The following XRCC1 variants were observed in gnomAD, a reference collection of about 807,000 sequenced individuals.
XRCC1 encodes the protein X-ray repair cross complementing 1.
Under a neutral mutation model 83.3 loss-of-function variants are expected in XRCC1, and 52 were observed. That is an observed-to-expected ratio of 0.62 (90% CI 0.50 to 0.79). XRCC1 has a LOEUF of 0.79. XRCC1 is among the 30% of genes least tolerant of loss of function. The pLI, the probability that XRCC1 is intolerant of heterozygous loss-of-function variation, is 0.00. For missense variants in XRCC1, 793 were observed against 823.5 expected (o/e 0.96, Z 0.45); for synonymous variants, 281 against 312.6 (o/e 0.90, Z 1.07).
In XRCC1 at chr19:43,544,243, G is replaced by A. The variant is rs759410817; in HGVS notation, c.1622-9C>T. 1.2e-6 allele frequency: 2 copies of A among 1,603,400 alleles called. No homozygotes were observed. ...CTTGCCCTGGAAGAAATCTGCAGGAGAGAAGGGGGCTAAGGTAAGCATGAG... is the reference window on the plus strand; with the variant it reads ...CTTGCCCTGGAAGAAATCTGCAGGAAAGAAGGGGGCTAAGGTAAGCATGAG... On this transcript the variant is annotated splice_polypyrimidine_tract_variant and intron_variant, in intron 14 of 16. Transcript: ENST00000262887.
At chr19:43,561,500 T>C (rs1972698712) in intron 2 of XRCC1, among the ~76,000 whole-genome samples, 1 of 152,238 alleles carries the variant, frequency 6.6e-6, no homozygotes, top group Admixed American at 6.5e-5. Flanking sequence ...GCACACTAGC[T>C]GTATGACCAT....
intron 9 of XRCC1, 77 bp from the exon 10 acceptor site, chr19:43,551,764 CAGAG>C (rs55974714): frequency 5.0e-5 from 52 of 1,045,754 alleles, no homozygotes; most frequent in East Asian, 2.2e-4. Context: ...GGGAGACAGA[CAGAG>C]AGAGAGAGAG....
chr19:43,574,681 C>A, intron 2 of XRCC1: 1 of 515,602 alleles, frequency 1.9e-6, no homozygotes, highest in Non-Finnish European at 3.5e-6. Flanking sequence ...AAGTAGATGC[C>A]ACCTGCCCAG....
chr19:43,546,755 A>T, intron 11 of XRCC1, 28 bp from the exon 12 acceptor site: 3 of 1,599,974 alleles, frequency 1.9e-6, no homozygotes, highest in Non-Finnish European at 2.6e-6. Context: ...GTGGGTGAGG[A>T]GGGCAGGAAC....
chr19:43,561,054 TG>T, intron 2 of XRCC1, 34 bp from the exon 3 acceptor site: 3 of 1,544,886 alleles, frequency 1.9e-6, no homozygotes, highest in Non-Finnish European at 2.7e-6. Context: ...TGTCAGTGCC[TG>T]CTCTGCCTCT....
At chr19:43,553,564 G>A (rs2146052926) in intron 5 of XRCC1, 45 bp downstream of exon 5, 1 of 1,612,702 alleles carries the variant, frequency 6.2e-7, no homozygotes, top group Non-Finnish European at 8.5e-7. Flanking sequence ...AGGTGGGGGT[G>A]GAGAGGCAGG....
chr19:43,565,231 G>C (rs528837788), intron 2 of XRCC1, among the ~76,000 whole-genome samples: 3 of 152,206 alleles, frequency 2.0e-5, no homozygotes, highest in South Asian at 2.1e-4. Context: ...AACATCTTTT[G>C]AGCACCACTG....
At chr19:43,559,206 G>C (rs750305858) in intron 3 of XRCC1, among the ~76,000 whole-genome samples, 2 of 150,854 alleles carry the variant, frequency 1.3e-5, no homozygotes, top group African/African-American at 4.9e-5. Context: ...GAAAAGGGCC[G>C]GGTGCGGTGG....
At chr19:43,550,390 G>A (rs971948793) in intron 10 of XRCC1, among the ~76,000 whole-genome samples, 5 of 152,134 alleles carry the variant, frequency 3.3e-5, no homozygotes, top group African/African-American at 1.2e-4. Context: ...AGAGATGTTT[G>A]GATTCCTGAA....
chr19:43,554,597 T>C (rs1184355875), intron 4 of XRCC1, 49 bp downstream of exon 4: 2 of 1,556,674 alleles, frequency 1.3e-6, no homozygotes, highest in African/African-American at 2.7e-5. Context: ...CTTATTTCCC[T>C]CCTTGCCCAG....
chr19:43,548,593 T>A (rs1428689072), intron 10 of XRCC1, among the ~76,000 whole-genome samples: 1 of 152,090 alleles, frequency 6.6e-6, no homozygotes, highest in Non-Finnish European at 1.5e-5. Context: ...TTAAGAGTCA[T>A]CACCACTCCC....
chr19:43,562,810 C>T (rs1048264763), intron 2 of XRCC1, among the ~76,000 whole-genome samples: 3 of 152,232 alleles, frequency 2.0e-5, no homozygotes, highest in Non-Finnish European at 4.4e-5. Flanking sequence ...ATAACCACAA[C>T]TGCGGCCAAC....
rs188489829 is a variant in XRCC1 at position 43,556,935 on chromosome 19, T to A, written c.256-2131A>T. On this transcript the variant is annotated intron_variant, in intron 3 of 16. Transcript: ENST00000262887. ...CACAAGAATCGCTTGAACCCAGGAG[T>A]TGGAGGTGATGGTGAGCCGAGATTG... Among the ~76,000 whole-genome samples, 407 of 144,934 alleles carry A rather than the reference T, an allele frequency of 2.8e-3. 8 individuals are homozygous for A. Among genetic ancestry groups the A allele is most frequent in the African/African-American group, 9.6e-3 (374 of 39,156 alleles).
In XRCC1 at chr19:43,574,962, C is replaced by A; in HGVS notation, c.92G>T (p.Arg31Leu). 1.9e-6 allele frequency: 3 copies of A among 1,614,144 alleles called. No homozygotes were observed. Among genetic ancestry groups the A allele is most frequent in the Non-Finnish European group, 2.5e-6 (3 of 1,180,026 alleles). The change falls in exon 2 of 17, where the codon CGA (arginine) becomes CTA (leucine). Residue 31 changes from arginine to leucine, a missense_variant. By Grantham distance (102) the Arg-to-Leu change is moderately radical. Coordinates refer to ENST00000262887, the MANE Select transcript of XRCC1 (RefSeq NM_006297.3). ...AENLLKADTY[R>L]KWRAAKAGEK... The stretch of plus-strand genomic sequence containing the variant: ...GCCTGCCTTGGCTGCCCGCCATTTT[C>A]GGTAAGTGTCTGCCTTGAGAAGATT...
In XRCC1 at chr19:43,546,906, T is replaced by C. The variant is rs1287459280; in HGVS notation, c.1271A>G (p.Glu424Gly). Residue 424 changes from glutamate to glycine, a missense_variant, in exon 11 of 17, where the codon GAA (glutamate) becomes GGA (glycine). Physicochemically the swap from Glu to Gly is moderately conservative, Grantham distance 98. Coordinates refer to ENST00000262887, the MANE Select transcript of XRCC1 (RefSeq NM_006297.3). Reference protein sequence around the residue: ...EASHSGGSGDEAPKLPQKQPQ... With the variant: ...EASHSGGSGDGAPKLPQKQPQ... Reference sequence around the variant, plus strand: ...GACCTTCTGAGGAAGCTTGGGGGCTTCATCTCCGCTGCCACCGCTGTGAGA... The same window carrying C: ...GACCTTCTGAGGAAGCTTGGGGGCTCCATCTCCGCTGCCACCGCTGTGAGA... 1 of 1,613,850 alleles carries C rather than the reference T, an allele frequency of 6.2e-7. No individual in the cohort carries two copies. The highest frequency in any genetic ancestry group is 8.5e-7 in the Non-Finnish European group (1 of 1,179,990).
At chr19:43,554,056 C>T (rs1164283349) in intron 4 of XRCC1, among the ~76,000 whole-genome samples, 1 of 152,142 alleles carries the variant, frequency 6.6e-6, no homozygotes, top group East Asian at 1.9e-4. Flanking sequence ...GGATGCAGAG[C>T]CAGAAAATAG....
Position 43,553,077 on chromosome 19 carries a change from G to T in XRCC1, c.616C>A (p.Pro206Thr). Residue 206 changes from proline (P) to threonine (T), a missense_variant, in exon 7 of 17, where the codon CCA (proline) becomes ACA (threonine). Coordinates refer to ENST00000262887, the MANE Select transcript of XRCC1 (RefSeq NM_006297.3). ...NKTSPVTASD[P>T]AGPSYAAATL... Reference sequence around the variant, plus strand: ...GCAGCTGCATAGCTAGGTCCTGCTGGGTCGCTGGCTGTGACTATGAAGGGA... The same window carrying T: ...GCAGCTGCATAGCTAGGTCCTGCTGTGTCGCTGGCTGTGACTATGAAGGGA... The T allele has an allele frequency of 1.3e-6, 2 of 1,574,666 alleles. No homozygotes were observed. Among genetic ancestry groups the T allele is most frequent in the East Asian group, 2.3e-5 (1 of 43,522 alleles).
chr19:43,568,226 G>A (rs892875729), intron 2 of XRCC1, among the ~76,000 whole-genome samples: 14 of 151,964 alleles, frequency 9.2e-5, no homozygotes, highest in African/African-American at 3.1e-4. Flanking sequence ...TGCGCACGGC[G>A]TGGCTGACGC....
intron 10 of XRCC1, among the ~76,000 whole-genome samples, chr19:43,549,501 T>C (rs1972554532): frequency 6.6e-6 from 1 of 152,204 alleles, no homozygotes; most frequent in Non-Finnish European, 1.5e-5. Flanking sequence ...TGTCACGTGA[T>C]CTGCCCACCT....
Sources: gnomAD v4.1 joint callset for allele counts (sites outside exome capture counted in the v4.1 genomes callset) on GRCh38, gnomAD v4.1.1 for gene constraint, MANE v1.5 for transcripts, NCBI Gene and HGNC (gene_info 2026-07-23, HGNC 2026-07-21) for gene names.